The following ADGRL2 variants were observed in gnomAD, a reference collection of about 807,000 sequenced individuals.
ADGRL2 encodes calcium-independent alpha-latrotoxin receptor 2.
In ADGRL2, 44 loss-of-function variants were observed where a neutral mutation model predicts 157.4. The observed-to-expected ratio is 0.28, with a 90% CI of 0.22 to 0.36. The LOEUF (loss-of-function observed/expected upper bound fraction) is 0.36. Among genes scored for constraint, ADGRL2 ranks in the 10% least tolerant of loss-of-function variants. The pLI, the probability that ADGRL2 is intolerant of heterozygous loss-of-function variation, is 1.00. For missense variants in ADGRL2, 1,510 were observed against 1,768.9 expected (o/e 0.85, Z 2.63); for synonymous variants, 585 against 624.7 (o/e 0.94, Z 0.95).
At chr1:81,446,907 T>C (rs1235059969) in intron 2 of ADGRL2, among the ~76,000 whole-genome samples, 1 of 152,178 alleles carries the variant, frequency 6.6e-6, no homozygotes, top group Non-Finnish European at 1.5e-5. Flanking sequence ...GTAGCCATAT[T>C]TTTCTTTTAA....
chr1:81,462,552 T>G lies in ADGRL2; in HGVS notation c.-248+17463T>G, dbSNP rs368664643. 2.0e-4 allele frequency among the ~76,000 whole-genome samples: 31 copies of G among 152,288 alleles called. No individual in the cohort carries two copies. In the East Asian group the frequency reaches 6.0e-3, roughly 29 times the overall value. ...TGGCAGATTCTGGTGATTAATTTTT[T>G]TCCTACATGACCTACAAACAATGCG... On this transcript the variant is annotated intron_variant, in intron 2 of 24. Transcript: ENST00000370721.
Position 81,474,368 on chromosome 1 carries a change from A to G in ADGRL2, c.-248+29279A>G, listed in dbSNP as rs565433042. Among the ~76,000 whole-genome samples the G allele has an allele frequency of 3.9e-5, 6 of 152,332 alleles. No individual in the cohort carries two copies. In the East Asian group the frequency reaches 9.7e-4, roughly 25 times the overall value. On this transcript the variant is annotated intron_variant, in intron 2 of 24. Coordinates refer to the ADGRL2 transcript ENST00000370721. ...CACTTCATACTCTAATGAGCCTTAAATAGTACTTGGCCCATAGTGGGTGTA... is the reference window on the plus strand; with the variant it reads ...CACTTCATACTCTAATGAGCCTTAAGTAGTACTTGGCCCATAGTGGGTGTA...
At chr1:81,541,702 C>G (rs1433752545) in intron 2 of ADGRL2, among the ~76,000 whole-genome samples, 1 of 151,788 alleles carries the variant, frequency 6.6e-6, no homozygotes, top group African/African-American at 2.4e-5. Flanking sequence ...GTAATCCCAG[C>G]ACTTTGGGAG....
intron 1 of ADGRL2, among the ~76,000 whole-genome samples, chr1:81,348,175 C>T (rs1456164080): frequency 6.6e-6 from 1 of 152,136 alleles, no homozygotes; most frequent in Non-Finnish European, 1.5e-5. Flanking sequence ...AGCAAAGCAT[C>T]ACATCGAAGA....
intron 3 of ADGRL2, among the ~76,000 whole-genome samples, chr1:81,683,467 CTCCAAAG>C (rs1306167064): frequency 6.6e-6 from 1 of 152,140 alleles, no homozygotes; most frequent in Non-Finnish European, 1.5e-5. Context: ...CCCCCCAAAT[CTCCAAAG>C]TCCATCATCA....
intron 1 of ADGRL2, among the ~76,000 whole-genome samples, chr1:81,807,526 G>C (rs1043714224): frequency 5.3e-5 from 8 of 151,892 alleles, no homozygotes; most frequent in Admixed American, 5.3e-4. Context: ...GATTGGCCAG[G>C]TAGTGATTAT....
chr1:81,817,093 A>G (rs1323009101), intron 1 of ADGRL2, among the ~76,000 whole-genome samples: 1 of 151,148 alleles, frequency 6.6e-6, no homozygotes, highest in African/African-American at 2.4e-5. Context: ...CACCCCTCAC[A>G]CTTCTCCCAC....
intron 11 of ADGRL2, among the ~76,000 whole-genome samples, chr1:81,959,459 T>C (rs967812953): frequency 2.0e-5 from 3 of 152,176 alleles, no homozygotes; most frequent in African/African-American, 7.2e-5. Context: ...GTGACTTTAT[T>C]TTCTTTATAT....
At chr1:81,924,143 G>A (rs1041110229) in intron 3 of ADGRL2, among the ~76,000 whole-genome samples, 2 of 152,076 alleles carry the variant, frequency 1.3e-5, no homozygotes, top group Non-Finnish European at 2.9e-5. Context: ...GATTCTTCCC[G>A]CATATGTGTG....
At chr1:81,476,921 C>G (rs1365842695) in intron 2 of ADGRL2, among the ~76,000 whole-genome samples, 1 of 152,192 alleles carries the variant, frequency 6.6e-6, no homozygotes, top group Non-Finnish European at 1.5e-5. Flanking sequence ...AAATCACCCA[C>G]ATTTACCTGC....
chr1:81,357,545 G>GA (rs374914833), intron 1 of ADGRL2, among the ~76,000 whole-genome samples: 7 of 151,524 alleles, frequency 4.6e-5, no homozygotes, highest in African/African-American at 1.5e-4. Flanking sequence ...TGATATCATG[G>GA]AAAAAAAATT....
At chr1:81,501,612 G>A (rs1455551778) in intron 2 of ADGRL2, among the ~76,000 whole-genome samples, 2 of 152,374 alleles carry the variant, frequency 1.3e-5, no homozygotes, top group Non-Finnish European at 2.9e-5. Flanking sequence ...CGGCTGCGGA[G>A]GAGTCCGAGA....
chr1:81,569,872 C>T (rs918416518), intron 2 of ADGRL2, among the ~76,000 whole-genome samples: 9 of 152,026 alleles, frequency 5.9e-5, no homozygotes, highest in Admixed American at 5.3e-4. Context: ...GAAATGTCAG[C>T]CATCTAAAGG....
chr1:81,347,322 A>T (rs548414840), intron 1 of ADGRL2, among the ~76,000 whole-genome samples: 1 of 151,760 alleles, frequency 6.6e-6, no homozygotes, highest in East Asian at 1.9e-4. Context: ...AATCGCTTGA[A>T]CCCGGGAAGC....
chr1:81,930,187 TAG>T (rs1229220978), intron 3 of ADGRL2, among the ~76,000 whole-genome samples: 1 of 152,188 alleles, frequency 6.6e-6, no homozygotes, highest in African/African-American at 2.4e-5. Context: ...CTCTTTCACA[TAG>T]AGTTTTAAAA....
intron 1 of ADGRL2, among the ~76,000 whole-genome samples, chr1:81,444,785 A>C (rs963004256): frequency 6.6e-6 from 1 of 152,196 alleles, no homozygotes; most frequent in African/African-American, 2.4e-5. Context: ...GTTCAGTTCC[A>C]GGAATCGTTT....
intron 1 of ADGRL2, among the ~76,000 whole-genome samples, chr1:81,403,368 G>C (rs1478803998): frequency 6.6e-6 from 1 of 152,082 alleles, no homozygotes; most frequent in Non-Finnish European, 1.5e-5. Context: ...GGGCTCAAGA[G>C]ATTCTCATAC....
intron 3 of ADGRL2, among the ~76,000 whole-genome samples, chr1:81,585,225 G>C (rs1308989389): frequency 6.6e-6 from 1 of 152,084 alleles, no homozygotes; most frequent in African/African-American, 2.4e-5. Flanking sequence ...TTTTATTAAA[G>C]ACATTTTAAA....
chr1:81,427,750 G>A (rs146342693), intron 1 of ADGRL2: 9 of 366,984 alleles, frequency 2.5e-5, no homozygotes, highest in Non-Finnish European at 4.0e-5. Context: ...ATGATCCATA[G>A]TCAGAAAAGT....
Sources: allele counts gnomAD v4.1 joint callset (sites outside exome capture counted in the v4.1 genomes callset), GRCh38; gene constraint gnomAD v4.1.1; transcripts MANE v1.5; gene names NCBI Gene and HGNC (gene_info 2026-07-23, HGNC 2026-07-21).